Variants in RGS5 observed in about 807,000 individuals in gnomAD.
The protein encoded by RGS5 is regulator of G-protein signalling 5.
Under a neutral mutation model 18.9 loss-of-function variants are expected in RGS5, and 20 were observed. The ratio of observed to expected loss-of-function variants is 1.06; its 90% CI spans 0.74 to 1.54. The LOEUF (loss-of-function observed/expected upper bound fraction) is 1.54, where lower values mean the gene tolerates loss of function less well. RGS5 is among the 40% of genes most tolerant of loss of function. The probability of loss-of-function intolerance (pLI) is 0.00; values close to 1 mark genes in which losing one functional copy is unlikely to be tolerated. For missense variants in RGS5, 201 were observed against 211.8 expected, an observed-to-expected ratio of 0.95 and a Z score of 0.32; for synonymous variants, 57 against 76.2, an observed-to-expected ratio of 0.75 and a Z score of 1.31.
At chr1:163,315,683 T>C (rs1006133225) in intron 1 of RGS5, among the ~76,000 whole-genome samples, 1 of 152,208 alleles carries the variant, frequency 6.6e-6, no homozygotes, top group Non-Finnish European at 1.5e-5. Flanking sequence ...ATTGCAAATG[T>C]ACAGCTCAGT....
chr1:163,275,286 G>C (rs1648824302), intron 2 of RGS5, among the ~76,000 whole-genome samples: 1 of 151,984 alleles, frequency 6.6e-6, no homozygotes, highest in African/African-American at 2.4e-5. Flanking sequence ...GATCAACCTA[G>C]GACATTCAAT....
intron 2 of RGS5, among the ~76,000 whole-genome samples, chr1:163,249,164 T>C (rs371037281): frequency 3.3e-5 from 5 of 152,324 alleles, no homozygotes; most frequent in South Asian, 2.1e-4. Context: ...GGAATAAATA[T>C]AGGTGTAGAT....
chr1:163,232,809 T>C (rs888788804), intron 2 of RGS5, among the ~76,000 whole-genome samples: 1 of 152,138 alleles, frequency 6.6e-6, no homozygotes, highest in Non-Finnish European at 1.5e-5. Flanking sequence ...AGAAAATGCA[T>C]AGATGGAGAA....
intron 2 of RGS5, chr1:163,267,490 T>G (rs1648600086): frequency 6.6e-6 from 1 of 152,302 alleles, no homozygotes; most frequent in Admixed American, 6.5e-5. Flanking sequence ...TTCCATCCTA[T>G]GCAACCCTCT....
At chr1:163,206,773 C>A, upstream of RGS5, 1 of 152,244 alleles carries the variant, frequency 6.6e-6, no homozygotes, top group South Asian at 2.1e-4. Flanking sequence ...GCACCTTGAT[C>A]TTGAACTTCT....
intron 2 of RGS5, chr1:163,260,498 C>T (rs1202722819): frequency 6.6e-6 from 1 of 152,154 alleles, no homozygotes; most frequent in South Asian, 2.1e-4. Context: ...ACTTTACAGA[C>T]TCAGCAGGGG....
intron 4 of RGS5, among the ~76,000 whole-genome samples, chr1:163,147,921 T>TTTTTTC (rs1338625599): frequency 9.1e-5 from 12 of 131,556 alleles, no homozygotes; most frequent in African/African-American, 3.6e-4. Context: ...TCTTTTTCTT[T>TTTTTTC]TTTTTTTTTT....
chr1:163,202,058 C>T (rs1659791642), intron 1 of RGS5, among the ~76,000 whole-genome samples: 1 of 152,236 alleles, frequency 6.6e-6, no homozygotes, highest in South Asian at 2.1e-4. Flanking sequence ...AACCAGGGAG[C>T]CTCAAAGATT....
intron 1 of RGS5, among the ~76,000 whole-genome samples, chr1:163,174,007 T>C (rs912573406): frequency 6.6e-6 from 1 of 151,906 alleles, no homozygotes; most frequent in Non-Finnish European, 1.5e-5. Flanking sequence ...ACCCAGGAGG[T>C]GGAGGTTGCA....
Position 163,146,178 on chromosome 1 carries a change from A to G in RGS5, c.*1164T>C, listed in dbSNP as rs994327971. ...GTATAAATCTGCACTTTTGACTGTA[A>G]GTAAAATTTGCTAATGCAGGAAGCG... On this transcript the variant is annotated 3_prime_UTR_variant, in exon 5 of 5. Transcript: ENST00000313961. 3.3e-5 allele frequency: 5 copies of G among 152,140 alleles called. No homozygotes were observed. Among genetic ancestry groups the G allele is most frequent in the African/African-American group, 1.2e-4 (5 of 41,442 alleles). The allele number at this position is 152,140 out of a possible 1,614,324, so 9.4% of individuals were successfully genotyped here.
intron 2 of RGS5, among the ~76,000 whole-genome samples, chr1:163,291,370 G>A (rs1470961070): frequency 6.6e-6 from 1 of 152,008 alleles, no homozygotes; most frequent in Non-Finnish European, 1.5e-5. Flanking sequence ...CTAACTTTGG[G>A]AGCCATTTAG....
intron 2 of RGS5, among the ~76,000 whole-genome samples, chr1:163,263,782 G>A (rs1458639677): frequency 6.6e-6 from 1 of 151,680 alleles, no homozygotes; most frequent in Non-Finnish European, 1.5e-5. Flanking sequence ...TCTTTGAGAG[G>A]AAATGAGAAT....
At chr1:163,286,073 T>C (rs1478404892) in intron 2 of RGS5, among the ~76,000 whole-genome samples, 1 of 151,738 alleles carries the variant, frequency 6.6e-6, no homozygotes, top group African/African-American at 2.4e-5. Context: ...TCCATATCCA[T>C]GTGTTCCGCG....
chr1:163,212,730 G>A (rs1660134161), intron 1 of RGS5: 1 of 152,150 alleles, frequency 6.6e-6, no homozygotes, highest in South Asian at 2.1e-4. Context: ...TAAGTATCTA[G>A]ACCACAGCCA....
At chr1:163,207,447 T>A (rs1659978325), upstream of RGS5, among the ~76,000 whole-genome samples, 1 of 152,176 alleles carries the variant, frequency 6.6e-6, no homozygotes, top group African/African-American at 2.4e-5. Context: ...TTTAGACTCC[T>A]AACAGAAATA....
intron 1 of RGS5, among the ~76,000 whole-genome samples, chr1:163,316,627 T>A (rs186655701): frequency 6.6e-6 from 1 of 152,204 alleles, no homozygotes; most frequent in African/African-American, 2.4e-5. Context: ...GATAGCATTT[T>A]AATATTCCAC....
intron 2 of RGS5, among the ~76,000 whole-genome samples, chr1:163,276,419 A>T (rs1329345689): frequency 2.6e-5 from 4 of 152,206 alleles, no homozygotes; most frequent in African/African-American, 9.6e-5. Flanking sequence ...ACTCTCAGTT[A>T]TGAGTTGTTT....
upstream of RGS5, among the ~76,000 whole-genome samples, chr1:163,221,272 C>CAGATCACTTGATATCAGG (rs1647221837): frequency 5.9e-5 from 9 of 152,246 alleles, no homozygotes; most frequent in South Asian, 1.9e-3. Context: ...CCAAGGTGAG[C>CAGATCACTTGATATCAGG]AGATCACTTG....
intron 2 of RGS5, chr1:163,267,477 T>G (rs1467299286): frequency 6.6e-6 from 1 of 152,172 alleles, no homozygotes; most frequent in East Asian, 1.9e-4. Context: ...TCATAAGTTA[T>G]TTTTCCATCC....
Sources: allele counts gnomAD v4.1 joint callset (sites outside exome capture counted in the v4.1 genomes callset), GRCh38; gene constraint gnomAD v4.1.1; transcripts MANE v1.5; gene names NCBI Gene and HGNC (gene_info 2026-07-23, HGNC 2026-07-21).